The following KDM3B variants were observed in gnomAD, a reference collection of about 807,000 sequenced individuals.
The protein encoded by KDM3B is lysine-specific demethylase 3B.
In KDM3B, 10 loss-of-function variants were observed where a neutral mutation model predicts 170.0. The ratio of observed to expected loss-of-function variants is 0.06; its 90% CI spans 0.04 to 0.10. The LOEUF (loss-of-function observed/expected upper bound fraction) is 0.10, where lower values mean the gene tolerates loss of function less well. Ranked by LOEUF, KDM3B falls within the 10% of genes least tolerant of loss-of-function variation. The pLI is 1.00. For synonymous variants in KDM3B, 831 were observed against 834.8 expected (o/e 1.00, Z 0.08); for missense variants, 1,394 against 2,195.2 (o/e 0.64, Z 7.29).
At position 138,377,760 on chromosome 5, in the gene KDM3B, C is replaced by G; in HGVS notation, c.515C>G (p.Ala172Gly). The change falls in exon 4 of 24, where the codon GCT (alanine) becomes GGT (glycine). Residue 172 changes from alanine (A) to glycine (G), a missense_variant. Coordinates refer to ENST00000314358, the MANE Select transcript of KDM3B (RefSeq NM_016604.4). ...DSQNQILLEH[A>G]ALRETVNALI... ...CAAAACCAGATTCTTTTGGAACATG[C>G]TGCACTGAGAGAAACAGTTAATGCT... 2 of 1,613,848 alleles carry G rather than the reference C, an allele frequency of 1.2e-6. No homozygotes were observed. The highest frequency in any genetic ancestry group is 1.7e-6 in the Non-Finnish European group (2 of 1,179,888).
chr5:138,371,454 C>CAA (rs747631161), intron 1 of KDM3B, among the ~76,000 whole-genome samples: 35 of 56,716 alleles, frequency 6.2e-4, no homozygotes, highest in African/African-American at 1.8e-3. Flanking sequence ...GACCCTGTCT[C>CAA]AAAAAAAAAA....
At position 138,436,844 on chromosome 5, in the gene KDM3B, G is replaced by A. The variant is rs1763686871; in HGVS notation, c.*1144G>A. ...TTGGCCCATAGGTACATTGGAAAAT[G>A]TATATCTCTCCAGCTGTACTGTAGT... is the stretch of plus-strand genomic sequence containing the variant. On this transcript the variant is annotated 3_prime_UTR_variant, in exon 24 of 24. Coordinates refer to ENST00000314358, the MANE Select transcript of KDM3B (RefSeq NM_016604.4). 6 of 151,418 alleles carry A rather than the reference G, an allele frequency of 4.0e-5. No homozygotes were observed. Among genetic ancestry groups the A allele is most frequent in the Admixed American group, 3.9e-4 (6 of 15,220 alleles). The allele number at this position is 151,418 out of a possible 1,614,324, so 9.4% of individuals were successfully genotyped here.
chr5:138,426,189 GA>G (rs1763386649), intron 17 of KDM3B, among the ~76,000 whole-genome samples: 1 of 152,080 alleles, frequency 6.6e-6, no homozygotes, highest in Non-Finnish European at 1.5e-5. Context: ...ATCCCCGTAA[GA>G]TGGAAAAATA....
At chr5:138,428,179 C>CTTTTT in intron 20 of KDM3B, 93 bp downstream of exon 20, 1 of 989,652 alleles carries the variant, frequency 1.0e-6, no homozygotes, top group Non-Finnish European at 1.4e-6. Flanking sequence ...GTGGCTTTTC[C>CTTTTT]TTTTTTTTTT....
chr5:138,395,551 C>A (rs1762525494), intron 9 of KDM3B, among the ~76,000 whole-genome samples: 1 of 152,142 alleles, frequency 6.6e-6, no homozygotes, highest in South Asian at 2.1e-4. Context: ...TCACTTGAGG[C>A]CAGCAGTTTG....
At chr5:138,410,656 C>T (rs535874040) in intron 11 of KDM3B, among the ~76,000 whole-genome samples, 1 of 152,230 alleles carries the variant, frequency 6.6e-6, no homozygotes, top group Non-Finnish European at 1.5e-5. Context: ...CCAGTAGTGG[C>T]CCCGAATGTC....
intron 12 of KDM3B, among the ~76,000 whole-genome samples, chr5:138,415,944 G>C (rs1763091973): frequency 6.6e-6 from 1 of 152,178 alleles, no homozygotes; most frequent in Non-Finnish European, 1.5e-5. Context: ...CAGCTAAAAT[G>C]GTCAGGTGTG....
intron 1 of KDM3B, among the ~76,000 whole-genome samples, chr5:138,355,758 A>C: frequency 6.6e-6 from 1 of 152,182 alleles, no homozygotes; most frequent in Middle Eastern, 3.2e-3. Flanking sequence ...CGTCACGTAT[A>C]TGGGTATTGT....
At chr5:138,410,071 G>A (rs1428061935) in intron 11 of KDM3B, among the ~76,000 whole-genome samples, 1 of 151,246 alleles carries the variant, frequency 6.6e-6, no homozygotes, top group African/African-American at 2.4e-5. Context: ...TGGGCAATGA[G>A]CGAAACTCCT....
At chr5:138,419,275 A>G (rs375382322) in intron 14 of KDM3B, 43 bp downstream of exon 14, 320 of 1,572,668 alleles carry the variant, frequency 2.0e-4, no homozygotes, top group Non-Finnish European at 2.6e-4. Context: ...GGTAGAAATC[A>G]TGAGTTTTTT....
chr5:138,368,983 T>A (rs1226266243), intron 1 of KDM3B, among the ~76,000 whole-genome samples: 1 of 152,202 alleles, frequency 6.6e-6, no homozygotes, highest in African/African-American at 2.4e-5. Flanking sequence ...CAGTGACTTA[T>A]TTTAGTGTTG....
In KDM3B at chr5:138,352,909, G is replaced by A; in HGVS notation, c.114G>A (p.Pro38=). 1 of 1,371,572 alleles carries A rather than the reference G, an allele frequency of 7.3e-7. No homozygotes were observed. The highest frequency in any genetic ancestry group is 3.0e-5 in the Admixed American group (1 of 33,242). 85.0% of individuals were successfully genotyped at this position (1,371,572 alleles called of 1,614,324 possible). The change falls in exon 1 of 24, where the codon CCG becomes CCA. Residue 38 remains proline (P), a synonymous_variant. Transcript: ENST00000314358. ...APAAAAASGD[P]GPALRTRAWR... is the part of the protein sequence containing the mutation. ...CGGCGGCAGCGGCGAGCGGAGATCC[G>A]GGGCCTGCGCTGCGCACTCGAGCCT...
chr5:138,435,580 G>C (rs1319105562), intron 23 of KDM3B, 40 bp from the exon 24 acceptor site: 1 of 1,508,578 alleles, frequency 6.6e-7, no homozygotes, highest in Non-Finnish European at 9.2e-7. Flanking sequence ...ACATTTGCAT[G>C]GGGCTGCTGT....
rs759982829 is a variant in KDM3B at position 138,419,108 on chromosome 5, G to A, written c.3591G>A (p.Ser1197=). The change falls in exon 14 of 24, where the codon TCG becomes TCA. Residue 1197 remains serine (S), a synonymous_variant. Transcript: ENST00000314358. ...AAGAGCCTCTGAAAACAGACAGTTC[G>A]GCATCAAATAGCAATAGTGAACTGA... ...RSEEPLKTDS[S]ASNSNSELKA... 24 of 1,614,026 alleles carry A rather than the reference G, an allele frequency of 1.5e-5. No homozygotes were observed. In the Admixed American group the frequency reaches 1.5e-4, roughly 10 times the overall value.
chr5:138,392,166 T>C lies in KDM3B; in HGVS notation c.2534T>C (p.Leu845Pro), dbSNP rs1413790603. 1 of 1,572,468 alleles carries C rather than the reference T, an allele frequency of 6.4e-7. No homozygotes were observed. Among genetic ancestry groups the C allele is most frequent in the Admixed American group, 1.8e-5 (1 of 56,580 alleles). ...ATTCCAGAGCACCTGATGGGGAAGCTGGGCCCCAATGGGGAGCGCAGTGCT... is the reference window on the plus strand; with the variant it reads ...ATTCCAGAGCACCTGATGGGGAAGCCGGGCCCCAATGGGGAGCGCAGTGCT... Reference protein sequence around the residue: ...KGIPEHLMGKLGPNGERSAEL... With the variant: ...KGIPEHLMGKPGPNGERSAEL... Residue 845 changes from leucine to proline, a missense_variant, in exon 8 of 24, where the codon CTG becomes CCG. Transcript: ENST00000314358.
chr5:138,434,315 C>T (rs1478437488), intron 23 of KDM3B, among the ~76,000 whole-genome samples: 9 of 151,908 alleles, frequency 5.9e-5, no homozygotes, highest in African/African-American at 1.2e-4. Context: ...TTTGGGAGGC[C>T]GAGGTGGGCA....
At chr5:138,422,271 C>T (rs1290384944) in intron 15 of KDM3B, among the ~76,000 whole-genome samples, 1 of 152,092 alleles carries the variant, frequency 6.6e-6, no homozygotes, top group Non-Finnish European at 1.5e-5. Context: ...TCCCTAGTGC[C>T]ATGGTGTTTG....
intron 1 of KDM3B, among the ~76,000 whole-genome samples, chr5:138,364,781 C>G (rs1306310167): frequency 6.6e-6 from 1 of 152,174 alleles, no homozygotes; most frequent in African/African-American, 2.4e-5. Context: ...AAGTGACTTG[C>G]TCCAGGCTAC....
rs1391002071 is a variant in KDM3B at position 138,391,589 on chromosome 5, G to A, written c.1957G>A (p.Ala653Thr). ...KVEHSPFSSF[A>T]SQASGSSSSA... ...TGAACACAGCCCTTTCAGTAGTTTT[G>A]CATCTCAGGCATCAGGTAGCTCCTC... The change falls in exon 8 of 24, where the codon GCA becomes ACA. Residue 653 changes from alanine to threonine, a missense_variant. Transcript: ENST00000314358. The surrounding 1 kb of genome is among the most constrained non-coding windows in gnomAD (Gnocchi z 5.0). 5 of 1,613,922 alleles carry A rather than the reference G, an allele frequency of 3.1e-6. No homozygotes were observed. Among genetic ancestry groups the A allele is most frequent in the African/African-American group, 1.3e-5 (1 of 74,910 alleles).
Sources: gnomAD v4.1 joint callset for allele counts (sites outside exome capture counted in the v4.1 genomes callset) on GRCh38, gnomAD v4.1.1 for gene constraint, Gnocchi (gnomAD v3.1) non-coding constraint, MANE v1.5 for transcripts, NCBI Gene and HGNC (gene_info 2026-07-23, HGNC 2026-07-21) for gene names.